Variants in SCFD2 observed in about 807,000 individuals in gnomAD.
SCFD2 encodes the protein sec1 family domain-containing protein 2.
Under a neutral mutation model 58.9 loss-of-function variants are expected in SCFD2, and 54 were observed. The ratio of observed to expected loss-of-function variants is 0.92; its 90% CI spans 0.74 to 1.15. The LOEUF (loss-of-function observed/expected upper bound fraction) is 1.15, where lower values mean the gene tolerates loss of function less well. Ranked by LOEUF, SCFD2 falls within the 50% of genes most tolerant of loss-of-function variation. The pLI, the probability that SCFD2 is intolerant of heterozygous loss-of-function variation, is 0.00. For missense variants in SCFD2, 805 were observed against 836.6 expected (o/e 0.96, Z 0.47); for synonymous variants, 321 against 335.9 (o/e 0.96, Z 0.49).
intron 4 of SCFD2, among the ~76,000 whole-genome samples, chr4:53,253,869 C>G (rs150512458): frequency 0.015 from 2,261 of 148,504 alleles, 71 homozygotes; most frequent in African/African-American, 0.053. Flanking sequence ...TGCACATGTA[C>G]CCTAAAACTT....
rs543626983 is a variant in SCFD2, at chr4:52,998,088, A to T, written c.1562-77218T>A. 1.8e-4 allele frequency among the ~76,000 whole-genome samples: 27 copies of T among 152,282 alleles called. No homozygotes were observed. The South Asian group carries it at 5.4e-3, about 30-fold the overall frequency. On this transcript the variant is annotated intron_variant, in intron 5 of 8. Coordinates refer to ENST00000401642, the MANE Select transcript of SCFD2 (RefSeq NM_152540.4). Reference sequence around the variant, plus strand: ...GATGGTTAAGTTAGGATCCAGAGAGATTATTTCTCTAGGCTAGGTCACCCT... The same window carrying T: ...GATGGTTAAGTTAGGATCCAGAGAGTTTATTTCTCTAGGCTAGGTCACCCT...
chr4:52,957,688 A>T (rs1720742968), intron 5 of SCFD2: 1 of 152,252 alleles, frequency 6.6e-6, no homozygotes, highest in Admixed American at 6.5e-5. Flanking sequence ...TGGAGATGTC[A>T]GAAAAAGTAC....
At chr4:53,256,285 T>C (rs866494380) in intron 4 of SCFD2, among the ~76,000 whole-genome samples, 28 of 114,754 alleles carry the variant, frequency 2.4e-4, no homozygotes, top group African/African-American at 4.8e-4. Flanking sequence ...ACATCCCAGA[T>C]GGGGCGGCGG....
intron 5 of SCFD2, among the ~76,000 whole-genome samples, chr4:53,142,163 G>A (rs1214499419): frequency 6.6e-6 from 1 of 152,100 alleles, no homozygotes; most frequent in Non-Finnish European, 1.5e-5. Flanking sequence ...ACAAGAAAAT[G>A]GTTCCACCAA....
intron 5 of SCFD2, among the ~76,000 whole-genome samples, chr4:52,944,100 T>C (rs1217814148): frequency 6.6e-6 from 1 of 152,196 alleles, no homozygotes; most frequent in Non-Finnish European, 1.5e-5. Context: ...TAGATAACAC[T>C]TGTAATTTTA....
intron 4 of SCFD2, among the ~76,000 whole-genome samples, chr4:53,199,926 G>A (rs768359333): frequency 6.6e-6 from 1 of 151,884 alleles, no homozygotes; most frequent in Non-Finnish European, 1.5e-5. Flanking sequence ...AGAGAAGGAG[G>A]GAGGCGGGAA....
chr4:53,053,476 A>G (rs1411284598), intron 5 of SCFD2, among the ~76,000 whole-genome samples: 1 of 152,190 alleles, frequency 6.6e-6, no homozygotes, highest in African/African-American at 2.4e-5. Flanking sequence ...CAGTGATTCT[A>G]TCACAGCCTA....
intron 4 of SCFD2, among the ~76,000 whole-genome samples, chr4:53,204,782 G>A (rs1728357818): frequency 6.7e-6 from 1 of 149,578 alleles, no homozygotes; most frequent in Non-Finnish European, 1.5e-5. Context: ...AAGAAGATTA[G>A]ATCCTATAAG....
chr4:53,121,526 C>T (rs1403645502), intron 5 of SCFD2, among the ~76,000 whole-genome samples: 3 of 152,210 alleles, frequency 2.0e-5, no homozygotes, highest in Non-Finnish European at 4.4e-5. Context: ...CATCCAGTTT[C>T]TTTTCTGAGG....
intron 5 of SCFD2, among the ~76,000 whole-genome samples, chr4:52,998,996 T>G (rs79443440): frequency 0.029 from 4,446 of 152,262 alleles, 95 homozygotes; most frequent in Middle Eastern, 0.048. Context: ...CAGCCAAATG[T>G]ATGCTTCCTA....
intron 5 of SCFD2, among the ~76,000 whole-genome samples, chr4:53,099,972 A>G (rs1347704175): frequency 6.6e-6 from 1 of 152,212 alleles, no homozygotes; most frequent in Non-Finnish European, 1.5e-5. Context: ...TTCAGTGGAC[A>G]AGGAAAATAT....
chr4:53,302,996 C>A (rs1334540874), intron 3 of SCFD2, among the ~76,000 whole-genome samples: 2 of 152,142 alleles, frequency 1.3e-5, no homozygotes, highest in South Asian at 2.1e-4. Flanking sequence ...ACCATAAAAA[C>A]CCTAGAAGAA....
intron 5 of SCFD2, among the ~76,000 whole-genome samples, chr4:53,100,573 T>G (rs1211383043): frequency 6.6e-6 from 1 of 152,176 alleles, no homozygotes; most frequent in East Asian, 1.9e-4. Context: ...AGTTCTATAT[T>G]ACAAATTCTT....
chr4:53,053,230 A>T (rs1261938309), intron 5 of SCFD2, among the ~76,000 whole-genome samples: 1 of 151,976 alleles, frequency 6.6e-6, no homozygotes, highest in East Asian at 1.9e-4. Flanking sequence ...CTCAAAAAAA[A>T]AAAAAAAACT....
intron 5 of SCFD2, among the ~76,000 whole-genome samples, chr4:52,973,051 C>G (rs1232773783): frequency 6.6e-6 from 1 of 152,100 alleles, no homozygotes; most frequent in Non-Finnish European, 1.5e-5. Context: ...ACTAAATGCC[C>G]ACAAGAGAAA....
chr4:52,935,988 C>T (rs1272262878), intron 5 of SCFD2, among the ~76,000 whole-genome samples: 1 of 152,238 alleles, frequency 6.6e-6, no homozygotes, highest in Non-Finnish European at 1.5e-5. Context: ...CAGGCATGCA[C>T]CACCACGCCC....
intron 6 of SCFD2, among the ~76,000 whole-genome samples, chr4:52,915,487 T>A (rs904782415): frequency 6.6e-6 from 1 of 152,236 alleles, no homozygotes; most frequent in African/African-American, 2.4e-5. Flanking sequence ...CATTTATTTT[T>A]ATTTTTTGCT....
chr4:53,287,676 T>C (rs1221077839), intron 3 of SCFD2, among the ~76,000 whole-genome samples: 1 of 152,064 alleles, frequency 6.6e-6, no homozygotes, highest in African/African-American at 2.4e-5. Flanking sequence ...CACTAAAACA[T>C]TTAAAAAGCA....
chr4:53,017,547 C>T (rs1722244904), intron 5 of SCFD2, among the ~76,000 whole-genome samples: 1 of 152,184 alleles, frequency 6.6e-6, no homozygotes, highest in Admixed American at 6.5e-5. Context: ...CAATTTCCAT[C>T]TAGATTCCCT....
Sources: allele counts gnomAD v4.1 joint callset (sites outside exome capture counted in the v4.1 genomes callset), GRCh38; gene constraint gnomAD v4.1.1; transcripts MANE v1.5; gene names NCBI Gene and HGNC (gene_info 2026-07-23, HGNC 2026-07-21).